EFCAB3: variants seen among roughly 807,000 people sequenced by gnomAD.
The protein encoded by EFCAB3 is EF-hand calcium-binding domain-containing protein 3.
Under a neutral mutation model 42.2 loss-of-function variants are expected in EFCAB3, and 36 were observed. The observed-to-expected ratio is 0.85, with a 90% CI of 0.65 to 1.13. The LOEUF is 1.13. EFCAB3 is among the 50% of genes most tolerant of loss of function. EFCAB3 has a pLI of 0.00. For missense variants in EFCAB3, 418 were observed against 505.1 expected (o/e 0.83, Z 1.65); for synonymous variants, 170 against 172.8 (o/e 0.98, Z 0.13).
At chr17:62,381,811 G>GA in intron 1 of EFCAB3, 1 of 432,416 alleles carries the variant, frequency 2.3e-6, no homozygotes, top group South Asian at 1.8e-5. Flanking sequence ...GAGCTGAATG[G>GA]AAAAAGCATT....
At chr17:62,378,108 T>C (rs557993299), upstream of EFCAB3, 197 of 1,099,202 alleles carry the variant, frequency 1.8e-4, 1 homozygote, top group African/African-American at 2.6e-3. Flanking sequence ...CTTTCCCTAA[T>C]TGTCTTGTCA....
upstream of EFCAB3, chr17:62,377,835 C>A: frequency 1.5e-6 from 1 of 670,640 alleles, no homozygotes; most frequent in Non-Finnish European, 2.4e-6. Flanking sequence ...AGATGGATAT[C>A]CCATATAACC....
chr17:62,393,490 T>G, intron 4 of EFCAB3, 83 bp from the exon 5 acceptor site: 1 of 1,041,858 alleles, frequency 9.6e-7, no homozygotes, highest in South Asian at 1.6e-5. Flanking sequence ...TCATCCAGAG[T>G]GTTTTAATTT....
chr17:62,407,280 T>C (rs1314959109), intron 8 of EFCAB3, 68 bp downstream of exon 8: 11 of 1,316,316 alleles, frequency 8.4e-6, no homozygotes, highest in Non-Finnish European at 1.1e-5. Context: ...ACAGAACTAA[T>C]GACATGCTTT....
chr17:62,378,688 A>C (rs893655182), upstream of EFCAB3, among the ~76,000 whole-genome samples: 8 of 151,526 alleles, frequency 5.3e-5, no homozygotes, highest in African/African-American at 1.9e-4. Flanking sequence ...CTAACAAAGA[A>C]AGAACTTGTC....
rs1223373519 is a variant in EFCAB3 at position 62,406,467 on chromosome 17, T to C, written c.489-13T>C. 1 of 1,557,442 alleles carries C rather than the reference T, an allele frequency of 6.4e-7. No homozygotes were observed. On this transcript the variant is annotated splice_polypyrimidine_tract_variant and intron_variant, in intron 6 of 9. Coordinates refer to ENST00000305286, the MANE Select transcript of EFCAB3 (RefSeq NM_173503.4). ...TCTTTGTATCCATTTCTGAATTACT[T>C]TTTTTTTTAAAGCTATTTCCAAAGA...
In EFCAB3 at chr17:62,415,126, A is replaced by ACC. The variant is rs1467621160; in HGVS notation, c.991-877_991-876insCC. Among the ~76,000 whole-genome samples the ACC allele has an allele frequency of 2.4e-3, 362 of 151,226 alleles. 4 individuals are homozygous for ACC. Among genetic ancestry groups the ACC allele is most frequent in the Admixed American group, 0.018 (276 of 15,144 alleles). ...CTCAAAAACAAAAAAAAACAAAAAA[A>ACC]AACAAAAAAACCACATTTTTCAAAT... On this transcript the variant is annotated intron_variant, in intron 9 of 9. Transcript: ENST00000305286.
intron 6 of EFCAB3, among the ~76,000 whole-genome samples, chr17:62,399,458 G>GCCTCA (rs887034214): frequency 1.3e-5 from 2 of 152,056 alleles, no homozygotes; most frequent in African/African-American, 4.8e-5. Flanking sequence ...GTGAGCCACC[G>GCCTCA]CCTGGCCCCA....
intron 5 of EFCAB3, among the ~76,000 whole-genome samples, chr17:62,394,186 C>T (rs1291573707): frequency 6.6e-6 from 1 of 152,164 alleles, no homozygotes; most frequent in African/African-American, 2.4e-5. Flanking sequence ...ATCTCCTGAG[C>T]TCGTGATCCA....
chr17:62,383,154 C>A, intron 2 of EFCAB3, 101 bp downstream of exon 2: 1 of 1,102,948 alleles, frequency 9.1e-7, no homozygotes, highest in Non-Finnish European at 1.3e-6. Context: ...CCGATCTTTA[C>A]TGGGAAGCCC....
chr17:62,373,902 A>T, intron 2 of EFCAB3: 1 of 1,100,526 alleles, frequency 9.1e-7, no homozygotes. Flanking sequence ...ATAAAATTAT[A>T]ATCTGATGCT....
At chr17:62,379,306 G>T (rs928229857), upstream of EFCAB3, among the ~76,000 whole-genome samples, 1 of 151,616 alleles carries the variant, frequency 6.6e-6, no homozygotes, top group African/African-American at 2.4e-5. Flanking sequence ...TGTAGTCCTG[G>T]CTACTGGGGA....
chr17:62,382,920 G>T, intron 1 of EFCAB3, 43 bp from the exon 2 acceptor site: 1 of 1,544,000 alleles, frequency 6.5e-7, no homozygotes, highest in Non-Finnish European at 8.8e-7. Context: ...TATAAAGAAT[G>T]AATCTGTAAA....
intron 8 of EFCAB3, among the ~76,000 whole-genome samples, chr17:62,407,972 C>T (rs1258461494): frequency 2.0e-5 from 3 of 152,172 alleles, no homozygotes; most frequent in African/African-American, 4.8e-5. Flanking sequence ...GTATCACTGT[C>T]ACAAATGACC....
Position 62,401,885 on chromosome 17 carries a change from G to A in EFCAB3, c.489-4595G>A, listed in dbSNP as rs2070406360. On this transcript the variant is annotated intron_variant, in intron 6 of 9. Coordinates refer to ENST00000305286, the MANE Select transcript of EFCAB3 (RefSeq NM_173503.4). ...ATCTATAAATTACTTTGGGCAATATGGCCATTTTCACGATATTGATTCTTC... is the reference window on the plus strand; with the variant it reads ...ATCTATAAATTACTTTGGGCAATATAGCCATTTTCACGATATTGATTCTTC... Among the ~76,000 whole-genome samples, 3 of 152,228 alleles carry A rather than the reference G, an allele frequency of 2.0e-5. No individual in the cohort carries two copies. The South Asian group carries it at 6.2e-4, about 32-fold the overall frequency.
At chr17:62,377,255 C>T (rs1344002043), upstream of EFCAB3, among the ~76,000 whole-genome samples, 1 of 152,138 alleles carries the variant, frequency 6.6e-6, no homozygotes, top group Non-Finnish European at 1.5e-5. Flanking sequence ...CAAGCATTTT[C>T]CATGTTTCTG....
chr17:62,411,034 C>A (rs2070490518), intron 8 of EFCAB3, among the ~76,000 whole-genome samples: 1 of 152,116 alleles, frequency 6.6e-6, no homozygotes, highest in Admixed American at 6.6e-5. Context: ...ATGAAATCTC[C>A]AAGCAGTAAA....
At chr17:62,388,275 T>C (rs1291120046) in intron 3 of EFCAB3, among the ~76,000 whole-genome samples, 1 of 151,916 alleles carries the variant, frequency 6.6e-6, no homozygotes, top group African/African-American at 2.4e-5. Context: ...CAAGTTATGA[T>C]AGGAAAAGCA....
chr17:62,407,709 C>G (rs181498154), intron 8 of EFCAB3, among the ~76,000 whole-genome samples: 14 of 152,236 alleles, frequency 9.2e-5, no homozygotes, highest in Admixed American at 2.0e-4. Context: ...TTTTGCCCCC[C>G]CTCCCAGGAT....
Sources: allele counts gnomAD v4.1 joint callset (sites outside exome capture counted in the v4.1 genomes callset), GRCh38; gene constraint gnomAD v4.1.1; transcripts MANE v1.5; gene names NCBI Gene and HGNC (gene_info 2026-07-23, HGNC 2026-07-21).